The following UTS2 variants were observed in gnomAD, a reference collection of about 807,000 sequenced individuals.
UTS2 encodes the protein urotensin-2.
Under a neutral mutation model 12.6 loss-of-function variants are expected in UTS2, and 10 were observed. The ratio of observed to expected loss-of-function variants is 0.80; its 90% confidence interval spans 0.49 to 1.35. UTS2 has a LOEUF of 1.35. Ranked by LOEUF, UTS2 falls within the 40% of genes most tolerant of loss-of-function variation. The probability of loss-of-function intolerance (pLI) is 0.00; values close to 1 mark genes in which losing one functional copy is unlikely to be tolerated. For missense variants in UTS2, 142 were observed against 143.2 expected, an observed-to-expected ratio of 0.99 and a Z score of 0.04; for synonymous variants, 52 against 50.0, an observed-to-expected ratio of 1.04 and a Z score of -0.17.
chr1:7,865,938 T>A, the UTS2 span, among the ~76,000 whole-genome samples: 1 of 151,980 alleles, frequency 6.6e-6, no homozygotes, highest in Non-Finnish European at 1.5e-5. Context: ...CCGTCTCAAA[T>A]AAACAAATAA....
the UTS2 span, among the ~76,000 whole-genome samples, chr1:7,877,121 T>A: frequency 2.8e-5 from 2 of 71,050 alleles, no homozygotes; most frequent in Non-Finnish European, 4.9e-5. Context: ...AGAGTGAGAC[T>A]CTATCAAAAA....
the UTS2 span, among the ~76,000 whole-genome samples, chr1:7,861,041 CAAAAAAAA>C: frequency 2.7e-5 from 2 of 74,766 alleles, 1 homozygote; most frequent in African/African-American, 9.9e-5. Context: ...GGCCTTATCT[CAAAAAAAA>C]AAAAAAAAAA....
chr1:7,909,791 T>C, the UTS2 span, among the ~76,000 whole-genome samples: 1 of 151,852 alleles, frequency 6.6e-6, no homozygotes, highest in Admixed American at 6.6e-5. Context: ...CAGCTAATTT[T>C]TGTATTTTTT....
chr1:7,912,523 A>G, the UTS2 span, among the ~76,000 whole-genome samples: 2 of 152,116 alleles, frequency 1.3e-5, no homozygotes, highest in Admixed American at 6.6e-5. Flanking sequence ...TCATGATCTC[A>G]GCTCACTACA....
chr1:7,904,346 G>A, the UTS2 span, among the ~76,000 whole-genome samples: 20 of 151,644 alleles, frequency 1.3e-4, no homozygotes, highest in East Asian at 3.7e-3. Flanking sequence ...GCATGGTGGC[G>A]CATGCCTGTA....
chr1:7,867,356 G>A, the UTS2 span, among the ~76,000 whole-genome samples: 1 of 152,148 alleles, frequency 6.6e-6, no homozygotes, highest in Non-Finnish European at 1.5e-5. Context: ...TGGAGAGAGG[G>A]CCTTTAAGGA....
chr1:7,888,337 C>A, the UTS2 span, among the ~76,000 whole-genome samples: 110 of 152,290 alleles, frequency 7.2e-4, no homozygotes, highest in African/African-American at 2.5e-3. Context: ...TCCTCCCCAT[C>A]CCTCAGACTG....
the UTS2 span, among the ~76,000 whole-genome samples, chr1:7,890,844 C>CAA: frequency 0.13 from 14,366 of 111,980 alleles, 927 homozygotes; most frequent in Middle Eastern, 0.21. Context: ...AAGACTGTCT[C>CAA]AAAAAAAAAA....
At chr1:7,871,340 GCTCT>G in the UTS2 span, among the ~76,000 whole-genome samples, 34,426 of 151,832 alleles carry the variant, frequency 0.23, 4,542 homozygotes, top group African/African-American at 0.35. Context: ...AACACAACGT[GCTCT>G]CTCTATGGTG....
the UTS2 span, among the ~76,000 whole-genome samples, chr1:7,893,670 T>C: frequency 1.3e-5 from 2 of 152,286 alleles, no homozygotes; most frequent in Middle Eastern, 6.8e-3. Context: ...TTGACTGGCC[T>C]GGTCACCTCT....
chr1:7,881,984 G>A, the UTS2 span, among the ~76,000 whole-genome samples: 1 of 152,190 alleles, frequency 6.6e-6, no homozygotes, highest in Non-Finnish European at 1.5e-5. Context: ...TATATTCACA[G>A]CAAATGGATT....
chr1:7,908,752 C>T, the UTS2 span, among the ~76,000 whole-genome samples: 2 of 151,766 alleles, frequency 1.3e-5, no homozygotes, highest in Admixed American at 1.3e-4. Context: ...CACAGTTCCA[C>T]ATGACTGGGG....
At chr1:7,893,898 C>T in the UTS2 span, among the ~76,000 whole-genome samples, 1 of 152,192 alleles carries the variant, frequency 6.6e-6, no homozygotes, top group East Asian at 1.9e-4. Context: ...TTTAATGCCA[C>T]AATTGGGAAA....
the UTS2 span, among the ~76,000 whole-genome samples, chr1:7,902,630 T>A: frequency 1.3e-5 from 2 of 152,176 alleles, no homozygotes; most frequent in Non-Finnish European, 2.9e-5. Context: ...TCTCGCTATG[T>A]TGGCCAGGCT....
chr1:7,894,589 G>T, the UTS2 span, among the ~76,000 whole-genome samples: 1 of 152,036 alleles, frequency 6.6e-6, no homozygotes, highest in African/African-American at 2.4e-5. Flanking sequence ...CAACCCCCCG[G>T]CCCTGCCCTT....
At chr1:7,864,224 T>C in the UTS2 span, among the ~76,000 whole-genome samples, 1 of 152,204 alleles carries the variant, frequency 6.6e-6, no homozygotes. Flanking sequence ...GCAGGGCTGA[T>C]GTCTCCTGAG....
intron 1 of UTS2, 80 bp from the exon 2 acceptor site, chr1:7,851,002 C>A: frequency 1.4e-6 from 2 of 1,392,140 alleles, no homozygotes; most frequent in South Asian, 1.2e-5. Context: ...TTGGCGAGCA[C>A]CAGAGATAGG....
intron 2 of UTS2, among the ~76,000 whole-genome samples, chr1:7,850,487 C>CT (rs1044884741): frequency 6.6e-6 from 1 of 152,050 alleles, no homozygotes; most frequent in East Asian, 1.9e-4. Flanking sequence ...AGAAAGATTA[C>CT]TTTAAGTTTT....
chr1:7,858,215 A>T (rs1638352802), upstream of UTS2, among the ~76,000 whole-genome samples: 1 of 152,226 alleles, frequency 6.6e-6, no homozygotes, highest in South Asian at 2.1e-4. Context: ...ACCATCAATG[A>T]CAGTGTCACC....
Sources: allele counts gnomAD v4.1 joint callset (sites outside exome capture counted in the v4.1 genomes callset), GRCh38; gene constraint gnomAD v4.1.1; transcripts MANE v1.5; gene names NCBI Gene and HGNC (gene_info 2026-07-23, HGNC 2026-07-21).